The following ZNF326 variants were observed in gnomAD, a reference collection of about 807,000 sequenced individuals.
ZNF326 encodes zinc finger protein 326.
ZNF326 carries 30 observed loss-of-function variants against 63.1 expected under a neutral mutation model. The observed-to-expected ratio is 0.48, with a 90% CI of 0.36 to 0.64. The LOEUF (loss-of-function observed/expected upper bound fraction) is 0.64. ZNF326 is among the 30% of genes least tolerant of loss of function. The pLI is 0.00. For synonymous variants in ZNF326, 194 were observed against 228.2 expected, an observed-to-expected ratio of 0.85 and a Z score of 1.35; for missense variants, 609 against 720.3, an observed-to-expected ratio of 0.85 and a Z score of 1.77.
intron 2 of ZNF326, among the ~76,000 whole-genome samples, chr1:90,004,075 A>T (rs1360552377): frequency 6.6e-6 from 1 of 152,126 alleles, no homozygotes; most frequent in Non-Finnish European, 1.5e-5. Flanking sequence ...TGATTTTTGT[A>T]GTCATCCTAA....
Position 90,034,529 on chromosome 1 carries a change from A to G in ZNF326, c.*6828A>G, listed in dbSNP as rs985194448. On this transcript the variant is annotated 3_prime_UTR_variant, in exon 12 of 12. Coordinates refer to ENST00000340281, the MANE Select transcript of ZNF326 (RefSeq NM_182976.4). ...AAAAAATGACCATGAAGCAAAAACCACAATATTTTTTTGTTTGTTGATAGG... is the reference window on the plus strand; with the variant it reads ...AAAAAATGACCATGAAGCAAAAACCGCAATATTTTTTTGTTTGTTGATAGG... 3 of 152,186 alleles carry G rather than the reference A, an allele frequency of 2.0e-5. No homozygotes were observed. The highest frequency in any genetic ancestry group is 7.2e-5 in the African/African-American group (3 of 41,462). 9.4% of individuals were successfully genotyped at this position (152,186 alleles called of 1,614,324 possible). A position where few individuals can be genotyped will look rare whatever the true frequency, so the allele number is the denominator to read the frequency against.
intron 2 of ZNF326, among the ~76,000 whole-genome samples, chr1:90,001,624 G>A (rs1648686945): frequency 6.6e-6 from 1 of 150,530 alleles, no homozygotes; most frequent in South Asian, 2.1e-4. Context: ...TGTGATCTCA[G>A]CTCACTGCAA....
At chr1:89,999,612 C>T (rs543193586) in intron 2 of ZNF326, among the ~76,000 whole-genome samples, 85 of 152,302 alleles carry the variant, frequency 5.6e-4, no homozygotes, top group Non-Finnish European at 5.3e-4. Flanking sequence ...TCTCTTTTCA[C>T]ACATAGCCTA....
In ZNF326 at chr1:90,033,612, A is replaced by C. The variant is rs1557538831; in HGVS notation, c.*5911A>C. The C allele has an allele frequency of 6.6e-6, 1 of 152,198 alleles. No homozygotes were observed. The highest frequency in any genetic ancestry group is 1.5e-5 in the Non-Finnish European group (1 of 68,010). The allele number at this position is 152,198 out of a possible 1,614,324, so 9.4% of individuals were successfully genotyped here. ...AACTCTGTTTTAGGCTGATTAGTTG[A>C]ATAAACATGGCTGAGAATCAAATTA... On this transcript the variant is annotated 3_prime_UTR_variant, in exon 12 of 12. Transcript: ENST00000340281.
chr1:90,013,376 T>G, intron 7 of ZNF326, 139 bp downstream of exon 7: 1 of 636,482 alleles, frequency 1.6e-6, no homozygotes, highest in East Asian at 3.2e-5. Context: ...ATGCTTTTGG[T>G]TTTTGATATT....
At chr1:90,019,078 G>A (rs1230331027) in intron 9 of ZNF326, among the ~76,000 whole-genome samples, 1 of 151,954 alleles carries the variant, frequency 6.6e-6, no homozygotes, top group Non-Finnish European at 1.5e-5. Context: ...CAAAATTCAA[G>A]TTATGAAATC....
chr1:90,017,370 T>A lies in ZNF326; in HGVS notation c.980T>A (p.Ile327Asn). The A allele has an allele frequency of 6.2e-7, 1 of 1,607,072 alleles. No homozygotes were observed. Among genetic ancestry groups the A allele is most frequent in the Non-Finnish European group, 8.5e-7 (1 of 1,177,864 alleles). ...CKFRTFEEKDIELHLESSSHQ... is the reference protein window; with the variant it reads ...CKFRTFEEKDNELHLESSSHQ... The stretch of plus-strand genomic sequence containing the variant: ...TTTCGAACATTTGAAGAAAAAGATA[T>A]TGAACTGCATCTGGAAAGTTCTTCA... Residue 327 changes from isoleucine (I) to asparagine (N), a missense_variant, in exon 8 of 12, where the codon ATT becomes AAT. Ile to Asn is a moderately radical substitution (Grantham distance 149, BLOSUM62 -3). Transcript: ENST00000340281.
chr1:90,023,846 C>T (rs1649886568), intron 11 of ZNF326, among the ~76,000 whole-genome samples: 1 of 152,138 alleles, frequency 6.6e-6, no homozygotes, highest in South Asian at 2.1e-4. Flanking sequence ...GTAGAGAACA[C>T]ACCTGAACTG....
intron 4 of ZNF326, chr1:90,006,202 G>C (rs1290154479): frequency 2.0e-6 from 2 of 985,238 alleles, no homozygotes; most frequent in African/African-American, 3.5e-5. Context: ...TTGCTTATGT[G>C]ATAGATGTTT....
In ZNF326 at chr1:89,995,185, C is replaced by G; in HGVS notation, c.-73C>G. 3 of 1,502,966 alleles carry G rather than the reference C, an allele frequency of 2.0e-6. No homozygotes were observed. Among genetic ancestry groups the G allele is most frequent in the South Asian group, 1.2e-5 (1 of 81,832 alleles). 93.1% of individuals were successfully genotyped at this position (1,502,966 alleles called of 1,614,324 possible). A position where few individuals can be genotyped will look rare whatever the true frequency, so the allele number is the denominator to read the frequency against. On this transcript the variant is annotated 5_prime_UTR_variant, in exon 1 of 12. Coordinates refer to ENST00000340281, the MANE Select transcript of ZNF326 (RefSeq NM_182976.4). Reference sequence around the variant, plus strand: ...CGCGCGGAGTGATCGTGTGGAATCGCGGGTCGCGGACGCTCGCCGCCGGCC... The same window carrying G: ...CGCGCGGAGTGATCGTGTGGAATCGGGGGTCGCGGACGCTCGCCGCCGGCC...
intron 9 of ZNF326, among the ~76,000 whole-genome samples, chr1:90,019,480 G>T (rs2816884): frequency 0.099 from 15,039 of 152,034 alleles, 2,185 homozygotes; most frequent in African/African-American, 0.32. Context: ...CTAACTATAT[G>T]ATTCATGAAT....
Position 90,018,756 on chromosome 1 carries a change from T to A in ZNF326, c.1146T>A (p.Val382=). ...KQQTNNQTEV[V]KIIEKDVMEG... Reference sequence around the variant, plus strand: ...AGACAAATAATCAAACAGAAGTAGTTAAAATAATTGAAAAAGATGTTATGG... The same window carrying A: ...AGACAAATAATCAAACAGAAGTAGTAAAAATAATTGAAAAAGATGTTATGG... Residue 382 remains valine, a synonymous_variant, in exon 9 of 12, where the codon GTT becomes GTA. Coordinates refer to ENST00000340281, the MANE Select transcript of ZNF326 (RefSeq NM_182976.4). 6.4e-7 allele frequency: 1 copy of A among 1,563,590 alleles called. No individual in the cohort carries two copies. The highest frequency in any genetic ancestry group is 8.7e-7 in the Non-Finnish European group (1 of 1,150,506).
chr1:90,025,810 T>G (rs1649989498), intron 11 of ZNF326, among the ~76,000 whole-genome samples: 1 of 152,224 alleles, frequency 6.6e-6, no homozygotes, highest in Non-Finnish European at 1.5e-5. Flanking sequence ...ACCCCCATTC[T>G]GTATTGATGA....
rs972412509 is a variant in ZNF326, at chr1:90,032,606, C to A, written c.*4905C>A. 7.9e-5 allele frequency: 12 copies of A among 152,168 alleles called. No homozygotes were observed. The highest frequency in any genetic ancestry group is 2.6e-4 in the Admixed American group (4 of 15,266). The allele number at this position is 152,168 out of a possible 1,614,324, so 9.4% of individuals were successfully genotyped here. ...GAAGATACAAAACAAGGAATTAGATCTTGGTGAAACCAAGAGAGCCAAGGA... is the reference window on the plus strand; with the variant it reads ...GAAGATACAAAACAAGGAATTAGATATTGGTGAAACCAAGAGAGCCAAGGA... On this transcript the variant is annotated 3_prime_UTR_variant, in exon 12 of 12. Transcript: ENST00000340281.
In ZNF326 at chr1:90,013,254, A is replaced by G; in HGVS notation, c.926+17A>G. ...TGGATACAGGTTTGTACTTAGAGTC[A>G]GAAAATTAGGTTCATTAAAAAATGA... On this transcript the variant is annotated intron_variant, in intron 7 of 11. Transcript: ENST00000340281. The G allele has an allele frequency of 6.6e-6, 10 of 1,513,380 alleles. No homozygotes were observed. The highest frequency in any genetic ancestry group is 8.0e-6 in the Non-Finnish European group (9 of 1,125,934). 93.7% of individuals were successfully genotyped at this position (1,513,380 alleles called of 1,614,324 possible). A position where few individuals can be genotyped will look rare whatever the true frequency, so the allele number is the denominator to read the frequency against.
intron 7 of ZNF326, among the ~76,000 whole-genome samples, chr1:90,015,850 AG>A (rs1649478142): frequency 6.6e-6 from 1 of 152,196 alleles, no homozygotes; most frequent in Admixed American, 6.5e-5. Flanking sequence ...ATTGTTATTT[AG>A]AAAATTGAAA....
intron 4 of ZNF326, chr1:90,005,571 A>T (rs956994354): frequency 5.5e-6 from 5 of 907,086 alleles, no homozygotes; most frequent in African/African-American, 1.8e-5. Flanking sequence ...TAAAAATGTT[A>T]TTGAAAATAT....
At chr1:90,023,753 A>G (rs986628828) in intron 11 of ZNF326, among the ~76,000 whole-genome samples, 3 of 152,238 alleles carry the variant, frequency 2.0e-5, no homozygotes, top group Non-Finnish European at 4.4e-5. Flanking sequence ...GAATTTCTAT[A>G]TAGTGTTTTC....
At chr1:90,005,866 T>C in intron 4 of ZNF326, 1 of 985,484 alleles carries the variant, frequency 1.0e-6, no homozygotes, top group Non-Finnish European at 1.2e-6. Flanking sequence ...AAGCCATGAA[T>C]ACTATACCTT....
Sources: allele counts gnomAD v4.1 joint callset (sites outside exome capture counted in the v4.1 genomes callset), GRCh38; gene constraint gnomAD v4.1.1; transcripts MANE v1.5; gene names NCBI Gene and HGNC (gene_info 2026-07-23, HGNC 2026-07-21).